ZFAT: variants seen among roughly 807,000 people sequenced by gnomAD.
ZFAT encodes zinc finger protein ZFAT.
In ZFAT, 64 loss-of-function variants were observed where a neutral mutation model predicts 117.7. That is an observed-to-expected ratio of 0.54 (90% CI 0.44 to 0.67). ZFAT has a LOEUF of 0.67. Ranked by LOEUF, ZFAT falls within the 30% of genes least tolerant of loss-of-function variation. ZFAT has a pLI of 0.00. For missense variants in ZFAT, 1,433 were observed against 1,584.5 expected (o/e 0.90, Z 1.62); for synonymous variants, 679 against 615.0 (o/e 1.10, Z -1.54).
intron 2 of ZFAT, among the ~76,000 whole-genome samples, chr8:134,650,733 A>G (rs1295015665): frequency 6.6e-6 from 1 of 152,256 alleles, no homozygotes; most frequent in Non-Finnish European, 1.5e-5. Context: ...AATAGAATTA[A>G]GAGTCCAGAA....
chr8:134,824,678 AGTT>A, the ZFAT span, among the ~76,000 whole-genome samples: 2 of 152,254 alleles, frequency 1.3e-5, no homozygotes, highest in Non-Finnish European at 2.9e-5. Context: ...TCATTCTAGT[AGTT>A]GTTCATCAAT....
intron 1 of ZFAT, among the ~76,000 whole-genome samples, chr8:134,671,611 A>C (rs539634167): frequency 8.5e-4 from 129 of 152,360 alleles, no homozygotes; most frequent in African/African-American, 2.9e-3. Context: ...TCTCAAAATA[A>C]TAAGAGCTAT....
chr8:134,792,544 A>C, the ZFAT span: 3 of 152,220 alleles, frequency 2.0e-5, no homozygotes, highest in Admixed American at 1.3e-4. Flanking sequence ...AGCAGTAAAC[A>C]ACTGTATCTA....
the ZFAT span, among the ~76,000 whole-genome samples, chr8:134,732,905 C>A: frequency 6.6e-6 from 1 of 152,140 alleles, no homozygotes; most frequent in Non-Finnish European, 1.5e-5. Context: ...TGTCAGTATA[C>A]CCCGTCACAA....
chr8:134,712,622 G>T (rs1814048666), intron 1 of ZFAT, among the ~76,000 whole-genome samples: 1 of 63,502 alleles, frequency 1.6e-5, no homozygotes, highest in Admixed American at 1.8e-4. Context: ...CTCCCGCCTT[G>T]CTTTTTTTTT....
the ZFAT span, chr8:134,793,243 G>A: frequency 6.6e-6 from 1 of 152,208 alleles, no homozygotes. Flanking sequence ...TGGACACACA[G>A]ATGAATTAGT....
the ZFAT span, among the ~76,000 whole-genome samples, chr8:134,779,858 G>A: frequency 3.3e-5 from 5 of 152,046 alleles, no homozygotes; most frequent in Non-Finnish European, 5.9e-5. Context: ...TTTTATACCC[G>A]CAACCCTGAA....
the ZFAT span, among the ~76,000 whole-genome samples, chr8:134,799,174 A>T: frequency 6.6e-6 from 1 of 152,166 alleles, no homozygotes; most frequent in African/African-American, 2.4e-5. Flanking sequence ...ACCTTCAACA[A>T]GTCTCCATGC....
At chr8:134,629,611 A>G (rs1829751031) in intron 3 of ZFAT, among the ~76,000 whole-genome samples, 1 of 152,162 alleles carries the variant, frequency 6.6e-6, no homozygotes, top group South Asian at 2.1e-4. Context: ...TGATGTTCTC[A>G]TGAGATATGA....
At chr8:134,646,194 G>C (rs1290370292) in intron 2 of ZFAT, among the ~76,000 whole-genome samples, 1 of 152,138 alleles carries the variant, frequency 6.6e-6, no homozygotes, top group Non-Finnish European at 1.5e-5. Flanking sequence ...GGGCGAAAGA[G>C]CGAAACCCCA....
chr8:134,767,469 TA>T, the ZFAT span, among the ~76,000 whole-genome samples: 1 of 152,228 alleles, frequency 6.6e-6, no homozygotes, highest in Non-Finnish European at 1.5e-5. Context: ...TTTTACATGA[TA>T]ATACCATGGT....
chr8:134,612,594 C>T (rs12679315), intron 3 of ZFAT, among the ~76,000 whole-genome samples: 14,760 of 152,178 alleles, frequency 0.097, 1,025 homozygotes, highest in East Asian at 0.36. Flanking sequence ...TTTTGGTGTT[C>T]GTCCCACAAT....
At chr8:134,560,364 T>C (rs1247963596) in intron 11 of ZFAT, among the ~76,000 whole-genome samples, 1 of 152,196 alleles carries the variant, frequency 6.6e-6, no homozygotes, top group Admixed American at 6.5e-5. Flanking sequence ...AAACTTAGTA[T>C]AGAATGATAT....
Position 134,600,287 on chromosome 8 carries a change from C to T in ZFAT, c.2475+149G>A. 4.0e-6 allele frequency: 3 copies of T among 745,044 alleles called. No individual in the cohort carries two copies. The South Asian group carries it at 4.9e-5, about 12-fold the overall frequency. The allele number at this position is 745,044 out of a possible 1,614,324, so 46.2% of individuals were successfully genotyped here. On this transcript the variant is annotated intron_variant, in intron 7 of 15. Coordinates refer to ENST00000377838, the MANE Select transcript of ZFAT (RefSeq NM_020863.4). ...TTGCTGTGAAAGGAACCTGGGAAGCCTCTGCCACGTGCACAGCTGTGTAAG... is the reference window on the plus strand; with the variant it reads ...TTGCTGTGAAAGGAACCTGGGAAGCTTCTGCCACGTGCACAGCTGTGTAAG...
At chr8:134,731,352 A>G in the ZFAT span, among the ~76,000 whole-genome samples, 5 of 152,254 alleles carry the variant, frequency 3.3e-5, no homozygotes, top group Admixed American at 6.5e-5. Flanking sequence ...TCTACTGCTC[A>G]TTGACAGTAA....
chr8:134,542,888 C>T (rs908280764), intron 11 of ZFAT, among the ~76,000 whole-genome samples: 2 of 152,116 alleles, frequency 1.3e-5, no homozygotes, highest in Admixed American at 1.3e-4. Context: ...ATGTGCAAAT[C>T]CCCAGATGAC....
At chr8:134,647,062 G>A (rs1245032306) in intron 2 of ZFAT, among the ~76,000 whole-genome samples, 1 of 152,010 alleles carries the variant, frequency 6.6e-6, no homozygotes, top group Non-Finnish European at 1.5e-5. Context: ...GCCAAAGCTA[G>A]ACAGACACTA....
intron 3 of ZFAT, among the ~76,000 whole-genome samples, chr8:134,611,076 A>G (rs979863120): frequency 6.6e-6 from 1 of 152,274 alleles, no homozygotes; most frequent in African/African-American, 2.4e-5. Context: ...ATGGTGGACA[A>G]AAGGAGTGAT....
chr8:134,629,007 A>C (rs1829707207), intron 3 of ZFAT, among the ~76,000 whole-genome samples: 1 of 152,228 alleles, frequency 6.6e-6, no homozygotes. Context: ...CAGAGCATGA[A>C]TTGGGGTAAA....
Sources: allele counts gnomAD v4.1 joint callset (sites outside exome capture counted in the v4.1 genomes callset), GRCh38; gene constraint gnomAD v4.1.1; transcripts MANE v1.5; gene names NCBI Gene and HGNC (gene_info 2026-07-23, HGNC 2026-07-21).